Variants in HMGCLL1 observed in about 807,000 individuals in gnomAD.
The protein encoded by HMGCLL1 is 3-hydroxymethyl-3-methylglutaryl-CoA lyase, cytoplasmic.
A neutral mutation model predicts 39.1 loss-of-function variants in HMGCLL1; 36 were observed. The observed-to-expected ratio is 0.92, with a 90% CI of 0.71 to 1.22. The LOEUF (loss-of-function observed/expected upper bound fraction) is 1.22. HMGCLL1 is among the 50% of genes most tolerant of loss of function. The probability of loss-of-function intolerance (pLI) is 0.00; values close to 1 mark genes in which losing one functional copy is unlikely to be tolerated. For missense variants in HMGCLL1, 451 were observed against 416.5 expected, an observed-to-expected ratio of 1.08 and a Z score of -0.72; for synonymous variants, 149 against 144.0, an observed-to-expected ratio of 1.03 and a Z score of -0.25.
the HMGCLL1 span, among the ~76,000 whole-genome samples, chr6:55,618,154 TA>T: frequency 6.6e-6 from 1 of 151,942 alleles, no homozygotes. Context: ...AAAATCAGGA[TA>T]ATGGGAAGGG....
At chr6:55,475,793 A>AT (rs1048886162) in intron 7 of HMGCLL1, among the ~76,000 whole-genome samples, 23 of 151,058 alleles carry the variant, frequency 1.5e-4, no homozygotes, top group East Asian at 1.4e-3. Flanking sequence ...CAAGATTAAG[A>AT]TTTTTTTTTC....
In HMGCLL1 at chr6:55,439,565, A is replaced by C. The variant is rs1350307039; in HGVS notation, c.796-6T>G. 1.2e-6 allele frequency: 2 copies of C among 1,611,418 alleles called. No individual in the cohort carries two copies. Among genetic ancestry groups the C allele is most frequent in the Non-Finnish European group, 1.7e-6 (2 of 1,178,346 alleles). On this transcript the variant is annotated splice_polypyrimidine_tract_variant and splice_region_variant and intron_variant, in intron 7 of 8. Coordinates refer to ENST00000274901, the MANE Select transcript of HMGCLL1 (RefSeq NM_001042406.2). ...TCCACCACATTAATTCCCATCTGGAAAACAAACCAAACCACCTAAAGCTTG... is the reference window on the plus strand; with the variant it reads ...TCCACCACATTAATTCCCATCTGGACAACAAACCAAACCACCTAAAGCTTG...
the HMGCLL1 span, among the ~76,000 whole-genome samples, chr6:55,639,823 A>T: frequency 2.6e-5 from 4 of 152,142 alleles, no homozygotes; most frequent in Admixed American, 1.3e-4. Flanking sequence ...TCACACCTGT[A>T]ATCCCAACAC....
At chr6:55,646,754 A>G in the HMGCLL1 span, among the ~76,000 whole-genome samples, 1 of 152,052 alleles carries the variant, frequency 6.6e-6, no homozygotes, top group African/African-American at 2.4e-5. Flanking sequence ...TGGTTGGAGA[A>G]GATACTTGAT....
At chr6:55,639,204 G>C in the HMGCLL1 span, among the ~76,000 whole-genome samples, 1 of 151,692 alleles carries the variant, frequency 6.6e-6, no homozygotes, top group East Asian at 1.9e-4. Flanking sequence ...ATAAATGTTA[G>C]CTACTATTAT....
intron 8 of HMGCLL1, among the ~76,000 whole-genome samples, chr6:55,437,057 T>C (rs1220980647): frequency 1.3e-5 from 2 of 152,062 alleles, no homozygotes; most frequent in East Asian, 3.9e-4. Context: ...TTGTCATTAA[T>C]GTCTTTCTTC....
intron 1 of HMGCLL1, among the ~76,000 whole-genome samples, chr6:55,571,908 C>T (rs578114954): frequency 5.8e-4 from 88 of 152,136 alleles, no homozygotes; most frequent in Admixed American, 2.3e-3. Context: ...ATAAGACATA[C>T]ATTTAAAGCA....
chr6:55,677,729 G>A, the HMGCLL1 span, among the ~76,000 whole-genome samples: 1 of 152,108 alleles, frequency 6.6e-6, no homozygotes, highest in Non-Finnish European at 1.5e-5. Context: ...TCTACTTGTG[G>A]CTCAATTTTA....
At chr6:55,618,478 T>A in the HMGCLL1 span, among the ~76,000 whole-genome samples, 1 of 152,150 alleles carries the variant, frequency 6.6e-6, no homozygotes, top group African/African-American at 2.4e-5. Context: ...AATAAACATG[T>A]CAGAGAGAAC....
At chr6:55,646,755 G>A in the HMGCLL1 span, among the ~76,000 whole-genome samples, 1 of 151,928 alleles carries the variant, frequency 6.6e-6, no homozygotes, top group African/African-American at 2.4e-5. Context: ...GGTTGGAGAA[G>A]ATACTTGATA....
intron 7 of HMGCLL1, among the ~76,000 whole-genome samples, chr6:55,482,712 A>G (rs758190465): frequency 6.6e-6 from 1 of 152,108 alleles, no homozygotes; most frequent in East Asian, 1.9e-4. Flanking sequence ...AGTTATCTGT[A>G]GTTACTGTGA....
At chr6:55,580,653 G>A (rs1048042670), upstream of HMGCLL1, among the ~76,000 whole-genome samples, 3 of 151,822 alleles carry the variant, frequency 2.0e-5, no homozygotes, top group Non-Finnish European at 4.4e-5. Flanking sequence ...CTGACCTCGT[G>A]GTCTGACCTC....
intron 1 of HMGCLL1, among the ~76,000 whole-genome samples, chr6:55,545,460 T>C (rs1177397375): frequency 1.3e-5 from 2 of 152,158 alleles, no homozygotes; most frequent in Non-Finnish European, 1.5e-5. Context: ...AATGTTACTA[T>C]TTAGTCTTTC....
At chr6:55,531,775 C>T (rs1310779971) in intron 3 of HMGCLL1, among the ~76,000 whole-genome samples, 1 of 152,124 alleles carries the variant, frequency 6.6e-6, no homozygotes, top group African/African-American at 2.4e-5. Flanking sequence ...ATTAGATTTT[C>T]ATAGGAGTGC....
At chr6:55,596,479 T>A in the HMGCLL1 span, among the ~76,000 whole-genome samples, 1 of 152,188 alleles carries the variant, frequency 6.6e-6, no homozygotes, top group African/African-American at 2.4e-5. Context: ...TTATCTCTAA[T>A]GCAACAAGCT....
chr6:55,486,159 A>G (rs908425723), intron 7 of HMGCLL1, among the ~76,000 whole-genome samples: 1 of 150,266 alleles, frequency 6.7e-6, no homozygotes, highest in Non-Finnish European at 1.5e-5. Context: ...ATTAATACTT[A>G]TTTTACTAAT....
At chr6:55,647,733 C>CT in the HMGCLL1 span, among the ~76,000 whole-genome samples, 48,879 of 112,384 alleles carry the variant, frequency 0.43, 9,717 homozygotes, top group Non-Finnish European at 0.46. Context: ...CTCTTCATGT[C>CT]TTTTTTTTTT....
chr6:55,596,790 G>A, the HMGCLL1 span, among the ~76,000 whole-genome samples: 2 of 152,026 alleles, frequency 1.3e-5, no homozygotes, highest in Admixed American at 1.3e-4. Context: ...TTGTATCCCT[G>A]GAAGTTCAAT....
chr6:55,560,966 A>C (rs1770916737), intron 1 of HMGCLL1, among the ~76,000 whole-genome samples: 1 of 152,136 alleles, frequency 6.6e-6, no homozygotes, highest in Admixed American at 6.6e-5. Context: ...GTTGATTTCA[A>C]TTTCCCCTCA....
Sources: gnomAD v4.1 joint callset for allele counts (sites outside exome capture counted in the v4.1 genomes callset) on GRCh38, gnomAD v4.1.1 for gene constraint, MANE v1.5 for transcripts, NCBI Gene and HGNC (gene_info 2026-07-23, HGNC 2026-07-21) for gene names.